MYO1E: variants seen among roughly 807,000 people sequenced by gnomAD.
MYO1E encodes the protein myosin IE, also known as unconventional myosin-Ie.
Under a neutral mutation model 151.1 loss-of-function variants are expected in MYO1E, and 68 were observed. The observed-to-expected ratio is 0.45, with a 90% CI of 0.37 to 0.55. The LOEUF is 0.55. MYO1E is among the 20% of genes least tolerant of loss of function. The pLI, the probability that MYO1E is intolerant of heterozygous loss-of-function variation, is 0.00. For missense variants in MYO1E, 1,363 were observed against 1,389.3 expected (o/e 0.98, Z 0.30); for synonymous variants, 601 against 501.7 (o/e 1.20, Z -2.64).
At chr15:59,332,726 A>T (rs894192455) in intron 1 of MYO1E, among the ~76,000 whole-genome samples, 19 of 151,230 alleles carry the variant, frequency 1.3e-4, no homozygotes, top group African/African-American at 4.6e-4. Context: ...TTTTTTTTTT[A>T]ATTTAATTTT....
At chr15:59,283,422 G>C (rs1414409929) in intron 1 of MYO1E, among the ~76,000 whole-genome samples, 1 of 151,946 alleles carries the variant, frequency 6.6e-6, no homozygotes, top group Non-Finnish European at 1.5e-5. Flanking sequence ...CCCAGCACAG[G>C]TCAGGCATCA....
At chr15:59,196,593 C>T (rs879501129) in intron 16 of MYO1E, among the ~76,000 whole-genome samples, 1 of 152,220 alleles carries the variant, frequency 6.6e-6, no homozygotes, top group African/African-American at 2.4e-5. Flanking sequence ...TCAATTAGGA[C>T]TTTTCTGTTT....
chr15:59,204,434 G>A (rs144089975), intron 15 of MYO1E, among the ~76,000 whole-genome samples: 30 of 152,328 alleles, frequency 2.0e-4, no homozygotes, highest in African/African-American at 6.5e-4. Flanking sequence ...TATTGTGACA[G>A]CTTAACTAAT....
At chr15:59,183,348 G>GTTTTT (rs34330073) in intron 18 of MYO1E, among the ~76,000 whole-genome samples, 1 of 146,408 alleles carries the variant, frequency 6.8e-6, no homozygotes. Context: ...GTTTGATCAG[G>GTTTTT]TTTTTTTTTT....
Position 59,137,305 on chromosome 15 carries a change from G to T in MYO1E, c.*75C>A. 7.7e-7 allele frequency: 1 copy of T among 1,307,172 alleles called. No individual in the cohort carries two copies. The highest frequency in any genetic ancestry group is 1.1e-6 in the Non-Finnish European group (1 of 901,720). The allele number at this position is 1,307,172 out of a possible 1,614,324, so 81.0% of individuals were successfully genotyped here. A position where few individuals can be genotyped will look rare whatever the true frequency, so the allele number is the denominator to read the frequency against. ...GCAATTGCTCATTGTGGATTGTAAG[G>T]GGAGCCCCTAAATATCCCCTCCCCT... On this transcript the variant is annotated 3_prime_UTR_variant, in exon 28 of 28. Transcript: ENST00000288235.
At chr15:59,289,590 G>A (rs1363496833) in intron 1 of MYO1E, among the ~76,000 whole-genome samples, 2 of 152,226 alleles carry the variant, frequency 1.3e-5, no homozygotes, top group Non-Finnish European at 1.5e-5. Flanking sequence ...TGGGAAGAAA[G>A]TAAGAGTTAA....
In MYO1E at chr15:59,158,529, T is replaced by C. The variant is rs2079520895; in HGVS notation, c.2786-150A>G. 5 of 688,350 alleles carry C rather than the reference T, an allele frequency of 7.3e-6. No individual in the cohort carries two copies. In the East Asian group the frequency reaches 8.1e-5, roughly 11 times the overall value. The allele number at this position is 688,350 out of a possible 1,614,324, so 42.6% of individuals were successfully genotyped here. A position where few individuals can be genotyped will look rare whatever the true frequency, so the allele number is the denominator to read the frequency against. On this transcript the variant is annotated intron_variant, in intron 24 of 27. Transcript: ENST00000288235. ...AACAGTTGCAGTGGAGAAGGAGCCG[T>C]TGAGGGAAGTATGTAATGGTAGCTA...
At chr15:59,161,325 T>C (rs2079537128) in intron 23 of MYO1E, 95 bp from the exon 24 acceptor site, 2 of 1,395,878 alleles carry the variant, frequency 1.4e-6, no homozygotes, top group East Asian at 2.4e-5. Context: ...TGGAAAAGCA[T>C]AAACATGAGG....
At chr15:59,271,716 T>C (rs1414909139) in intron 2 of MYO1E, among the ~76,000 whole-genome samples, 1 of 152,244 alleles carries the variant, frequency 6.6e-6, no homozygotes, top group Admixed American at 6.5e-5. Context: ...ACATTTCCTT[T>C]AGTAAACATT....
At chr15:59,249,773 T>G (rs540956128) in intron 4 of MYO1E, among the ~76,000 whole-genome samples, 27 of 152,200 alleles carry the variant, frequency 1.8e-4, no homozygotes, top group Admixed American at 1.3e-3. Flanking sequence ...AGAAAATGGT[T>G]TTTTCGTTTG....
At chr15:59,317,944 A>G (rs1241381127) in intron 1 of MYO1E, among the ~76,000 whole-genome samples, 1 of 152,214 alleles carries the variant, frequency 6.6e-6, no homozygotes, top group African/African-American at 2.4e-5. Flanking sequence ...GTAGAAGGTT[A>G]TGAAATTTGT....
intron 1 of MYO1E, among the ~76,000 whole-genome samples, chr15:59,313,561 C>T (rs2140412259): frequency 7.0e-6 from 1 of 143,320 alleles, no homozygotes; most frequent in East Asian, 2.3e-4. Context: ...GTTCTCCTAT[C>T]TCCTATGCTC....
chr15:59,167,358 T>C (rs1160734167), intron 22 of MYO1E, among the ~76,000 whole-genome samples: 1 of 152,126 alleles, frequency 6.6e-6, no homozygotes, highest in Non-Finnish European at 1.5e-5. Context: ...AGAAGCCTCA[T>C]CAGAGACCCC....
rs189377561 is a variant in MYO1E at position 59,139,555 on chromosome 15, G to A, written c.3081-1188C>T. On this transcript the variant is annotated intron_variant, in intron 26 of 27. Transcript: ENST00000288235. The stretch of plus-strand genomic sequence containing the variant: ...CCTCATTATTACTCCTCAGACTTCC[G>A]TCTCACCTTCTCATTATTTCTTGTC... Among the ~76,000 whole-genome samples the A allele has an allele frequency of 6.4e-5, 6 of 94,124 alleles. No individual in the cohort carries two copies. The East Asian group carries it at 1.4e-3, about 23-fold the overall frequency. 61.7% of individuals were successfully genotyped at this position (94,124 alleles called of 152,430 possible). A position where few individuals can be genotyped will look rare whatever the true frequency, so the allele number is the denominator to read the frequency against.
chr15:59,166,531 G>C (rs1011855258), intron 22 of MYO1E, among the ~76,000 whole-genome samples: 1 of 151,790 alleles, frequency 6.6e-6, no homozygotes, highest in Admixed American at 6.6e-5. Context: ...AAAACACCAA[G>C]GAAAGTCCTG....
chr15:59,181,820 T>C (rs367705429), intron 18 of MYO1E, among the ~76,000 whole-genome samples: 1 of 152,220 alleles, frequency 6.6e-6, no homozygotes, highest in South Asian at 2.1e-4. Context: ...AATATATCCT[T>C]TCCCTTCAGG....
intron 13 of MYO1E, among the ~76,000 whole-genome samples, chr15:59,209,708 A>C (rs1375715607): frequency 1.3e-5 from 2 of 151,752 alleles, no homozygotes; most frequent in Non-Finnish European, 2.9e-5. Context: ...ATAAATAAAT[A>C]AATAAGTTGT....
chr15:59,146,407 C>T (rs916947808), intron 26 of MYO1E, among the ~76,000 whole-genome samples: 1 of 152,144 alleles, frequency 6.6e-6, no homozygotes, highest in Non-Finnish European at 1.5e-5. Flanking sequence ...CCTCCGCCTC[C>T]CAGATTCAAG....
chr15:59,306,044 A>G (rs2080512821), intron 1 of MYO1E, among the ~76,000 whole-genome samples: 1 of 152,096 alleles, frequency 6.6e-6, no homozygotes. Context: ...CAACCAATAA[A>G]ACTCCCTCGT....
Sources: gnomAD v4.1 joint callset for allele counts (sites outside exome capture counted in the v4.1 genomes callset) on GRCh38, gnomAD v4.1.1 for gene constraint, MANE v1.5 for transcripts, NCBI Gene and HGNC (gene_info 2026-07-23, HGNC 2026-07-21) for gene names.